Variants in TIAM2 observed in about 807,000 individuals in gnomAD.
TIAM2 encodes the protein TIAM Rac1 associated GEF 2.
TIAM2 carries 80 observed loss-of-function variants against 152.9 expected under a neutral mutation model. That is an observed-to-expected ratio of 0.52 (90% CI 0.44 to 0.63). The LOEUF (loss-of-function observed/expected upper bound fraction) is 0.63. Ranked by LOEUF, TIAM2 falls within the 30% of genes least tolerant of loss-of-function variation. TIAM2 has a pLI of 0.00. For synonymous variants in TIAM2, 804 were observed against 838.0 expected, an observed-to-expected ratio of 0.96 and a Z score of 0.70; for missense variants, 1,965 against 2,120.1, an observed-to-expected ratio of 0.93 and a Z score of 1.44.
chr6:155,219,905 C>T (rs971834170), intron 15 of TIAM2, among the ~76,000 whole-genome samples: 5 of 152,124 alleles, frequency 3.3e-5, no homozygotes, highest in Non-Finnish European at 7.4e-5. Context: ...TATTGAGAAT[C>T]CAAAAGACAG....
At chr6:155,062,299 T>C (rs1027549278) in intron 1 of TIAM2, among the ~76,000 whole-genome samples, 8 of 152,174 alleles carry the variant, frequency 5.3e-5, no homozygotes, top group African/African-American at 1.7e-4. Context: ...CTATAAACAA[T>C]TGTGTGCAGG....
chr6:155,199,907 T>G (rs947686317), intron 14 of TIAM2, among the ~76,000 whole-genome samples: 11 of 152,194 alleles, frequency 7.2e-5, no homozygotes, highest in Admixed American at 6.5e-4. Flanking sequence ...TTATTATCAT[T>G]TTACTTTCAC....
chr6:155,049,693 A>G (rs78930119), intron 1 of TIAM2, among the ~76,000 whole-genome samples: 7,307 of 152,274 alleles, frequency 0.048, 599 homozygotes, highest in African/African-American at 0.17. Context: ...TAATTAAGAA[A>G]AACTTGGTGT....
Position 155,137,584 on chromosome 6 carries a change from A to G in TIAM2, c.1602A>G (p.Lys534=), listed in dbSNP as rs1245130348. The G allele has an allele frequency of 6.2e-7, 1 of 1,605,386 alleles. No homozygotes were observed. Among genetic ancestry groups the G allele is most frequent in the African/African-American group, 1.3e-5 (1 of 74,890 alleles). ...ERKLELVARR[K]WKQYWVTLKG... ...AGCTTGAGCTGGTGGCACGAAGGAA[A>G]TGGAAACAGTACTGGGTAACGCTGA... Residue 534 remains lysine (K), a synonymous_variant, in exon 5 of 27, where the codon AAA becomes AAG. Coordinates refer to ENST00000682666, the MANE Select transcript of TIAM2 (RefSeq NM_012454.4).
At chr6:155,060,235 C>T (rs1342717214) in intron 1 of TIAM2, among the ~76,000 whole-genome samples, 1 of 151,968 alleles carries the variant, frequency 6.6e-6, no homozygotes, top group East Asian at 1.9e-4. Context: ...GAAACCCCGT[C>T]TCTACTAAAA....
intron 2 of TIAM2, among the ~76,000 whole-genome samples, chr6:155,114,702 C>T (rs1162019179): frequency 6.6e-6 from 1 of 152,070 alleles, no homozygotes; most frequent in Non-Finnish European, 1.5e-5. Flanking sequence ...ACCTCTTCAT[C>T]CCCAGCCACG....
chr6:155,182,298 A>T lies in TIAM2; in HGVS notation c.2780A>T (p.Asp927Val). ...ATATTTATAAGCGACGTTCTTCCCGATGGCCTGGCGTATGGGGAAGGTCCG... is the reference window on the plus strand; with the variant it reads ...ATATTTATAAGCGACGTTCTTCCCGTTGGCCTGGCGTATGGGGAAGGTCCG... Reference protein sequence around the residue: ...SRIFISDVLPDGLAYGEGLRK... With the variant: ...SRIFISDVLPVGLAYGEGLRK... The change falls in exon 13 of 27, where the codon GAT becomes GTT. Residue 927 changes from aspartate to valine, a missense_variant. By Grantham distance (152) the Asp-to-Val change is radical. This residue lies in a region of TIAM2 where 935 missense variants were observed against 980.0 expected (regional missense o/e 0.95). Coordinates refer to ENST00000682666, the MANE Select transcript of TIAM2 (RefSeq NM_012454.4). 6.2e-7 allele frequency: 1 copy of T among 1,614,132 alleles called. No homozygotes were observed. The highest frequency in any genetic ancestry group is 2.2e-5 in the East Asian group (1 of 44,884).
chr6:155,221,095 TTTCTC>T (rs928877779), intron 15 of TIAM2, among the ~76,000 whole-genome samples: 5 of 140,218 alleles, frequency 3.6e-5, no homozygotes, highest in African/African-American at 1.4e-4. Flanking sequence ...TTTCCAGACT[TTTCTC>T]TTTCATCTTG....
chr6:155,038,578 T>G (rs545691755), intron 1 of TIAM2, among the ~76,000 whole-genome samples: 219 of 152,254 alleles, frequency 1.4e-3, no homozygotes, highest in African/African-American at 5.1e-3. Context: ...CAGAAGCTGG[T>G]ACGAAAAAGC....
chr6:155,110,313 C>CTTTTTTTTTTTTTTTTTTTTT, intron 2 of TIAM2, among the ~76,000 whole-genome samples: 1 of 90,370 alleles, frequency 1.1e-5, no homozygotes, highest in Non-Finnish European at 2.2e-5. Context: ...TTTCCTCTTT[C>CTTTTTTTTTTTTTTTTTTTTT]TTTTCTTTTT....
intron 1 of TIAM2, among the ~76,000 whole-genome samples, chr6:155,029,987 T>C (rs769847430): frequency 2.0e-5 from 3 of 151,588 alleles, no homozygotes; most frequent in Non-Finnish European, 4.4e-5. Flanking sequence ...GAGATGGGGG[T>C]CTCACCATGT....
chr6:155,223,111 C>T (rs1423642909), intron 15 of TIAM2, among the ~76,000 whole-genome samples: 1 of 152,176 alleles, frequency 6.6e-6, no homozygotes, highest in Non-Finnish European at 1.5e-5. Context: ...ATTGCTTATG[C>T]ACATACGTTA....
chr6:155,018,306 ACTTG>A (rs71833042), intron 1 of TIAM2, among the ~76,000 whole-genome samples: 38,174 of 151,216 alleles, frequency 0.25, 4,894 homozygotes, highest in Middle Eastern at 0.31. Context: ...AATTAATTTC[ACTTG>A]CTTCTTATTT....
At position 155,250,973 on chromosome 6, in the gene TIAM2, T is replaced by C; in HGVS notation, c.4012T>C (p.Phe1338Leu). Residue 1338 changes from phenylalanine to leucine, a missense_variant, in exon 22 of 27, where the codon TTT becomes CTT. Around this residue, in one of 3 missense-constraint regions of TIAM2, gnomAD observed 935 missense variants for 980.0 expected, o/e 0.95. Transcript: ENST00000682666. ...MHSTVSWLNPFLSLGKARKDL... is the reference protein window; with the variant it reads ...MHSTVSWLNPLLSLGKARKDL... ...CTCTACGGTTTCCTGGTTGAATCCA[T>C]TTCTGTCTCTAGGAAAAGCTAGAAA... 6.2e-7 allele frequency: 1 copy of C among 1,614,218 alleles called. No individual in the cohort carries two copies. Among genetic ancestry groups the C allele is most frequent in the South Asian group, 1.1e-5 (1 of 91,084 alleles).
intron 9 of TIAM2, among the ~76,000 whole-genome samples, chr6:155,175,320 A>C (rs1032704083): frequency 6.6e-6 from 1 of 152,188 alleles, no homozygotes; most frequent in African/African-American, 2.4e-5. Context: ...TTTCTTTACG[A>C]TGTCTCTTCT....
At position 155,148,338 on chromosome 6, in the gene TIAM2, CTGTT is replaced by C. The variant is rs771916134; in HGVS notation, c.2028+8_2028+11del. 1 of 1,609,996 alleles carries C rather than the reference CTGTT, an allele frequency of 6.2e-7. No homozygotes were observed. Among genetic ancestry groups the C allele is most frequent in the African/African-American group, 1.3e-5 (1 of 74,806 alleles). On this transcript the variant is annotated splice_donor_5th_base_variant and intron_variant, in intron 7 of 26. Transcript: ENST00000682666. ...CAGGAAAGCCATAGAGAACCAGGTACTGTTTGTCTACACCTGAGTTTTCTTCCAT... is the reference window on the plus strand; with the variant it reads ...CAGGAAAGCCATAGAGAACCAGGTACTGTCTACACCTGAGTTTTCTTCCAT...
Position 155,244,736 on chromosome 6 carries a change from T to A in TIAM2, c.3496T>A (p.Ser1166Thr). The change falls in exon 18 of 27, where the codon TCA (serine) becomes ACA (threonine). Residue 1166 changes from serine (S) to threonine (T), a missense_variant. Coordinates refer to ENST00000682666, the MANE Select transcript of TIAM2 (RefSeq NM_012454.4). ...VFLETLEDGI[S>T]ASSDFNTLET... ...TCTGGAGACCCTGGAGGATGGGATT[T>A]CAGCATCATCTGACTTTAACACCCT... 6.2e-7 allele frequency: 1 copy of A among 1,614,100 alleles called. No homozygotes were observed. Among genetic ancestry groups the A allele is most frequent in the Non-Finnish European group, 8.5e-7 (1 of 1,180,000 alleles).
intron 14 of TIAM2, among the ~76,000 whole-genome samples, chr6:155,194,697 C>T (rs897947817): frequency 6.6e-6 from 1 of 152,268 alleles, no homozygotes; most frequent in African/African-American, 2.4e-5. Context: ...ATAGGAACAA[C>T]AAGACTCAGA....
Position 155,218,477 on chromosome 6 carries a change from C to T in TIAM2, c.3168+7170C>T, listed in dbSNP as rs1781926394. ...CCACCATGCCTTATCATTATGTGAC[C>T]TGGGGCAAGTTACCCAACCTTTGTA... On this transcript the variant is annotated intron_variant, in intron 15 of 26. Coordinates refer to ENST00000682666, the MANE Select transcript of TIAM2 (RefSeq NM_012454.4). The surrounding 1 kb of genome is among the most constrained non-coding windows in gnomAD (Gnocchi z 4.5). 1.3e-5 allele frequency among the ~76,000 whole-genome samples: 2 copies of T among 152,172 alleles called. No homozygotes were observed. The highest frequency in any genetic ancestry group is 1.3e-4 in the Admixed American group (2 of 15,286).
Sources: gnomAD v4.1 joint callset for allele counts (sites outside exome capture counted in the v4.1 genomes callset) on GRCh38, gnomAD v4.1.1 for gene constraint, gnomAD v4.1.1 regional missense constraint, Gnocchi (gnomAD v3.1) non-coding constraint, MANE v1.5 for transcripts, NCBI Gene and HGNC (gene_info 2026-07-23, HGNC 2026-07-21) for gene names.